The following FSTL5 variants were observed in gnomAD, a reference collection of about 807,000 sequenced individuals.
FSTL5 encodes follistatin-related protein 5.
Under a neutral mutation model 89.1 loss-of-function variants are expected in FSTL5, and 62 were observed. The observed-to-expected ratio is 0.70, with a 90% CI of 0.57 to 0.86. FSTL5 has a LOEUF of 0.86. Among genes scored for constraint, FSTL5 ranks in the 40% least tolerant of loss-of-function variants. The pLI, the probability that FSTL5 is intolerant of heterozygous loss-of-function variation, is 0.00. For missense variants in FSTL5, 1,057 were observed against 1,001.6 expected, an observed-to-expected ratio of 1.06 and a Z score of -0.75; for synonymous variants, 383 against 346.2, an observed-to-expected ratio of 1.11 and a Z score of -1.18.
chr4:162,023,482 T>C (rs1313100886), intron 3 of FSTL5, among the ~76,000 whole-genome samples: 1 of 152,160 alleles, frequency 6.6e-6, no homozygotes, highest in African/African-American at 2.4e-5. Context: ...ACTGTCTGCA[T>C]CAGTCTTGCA....
At chr4:161,698,924 T>C (rs1738280587) in intron 6 of FSTL5, among the ~76,000 whole-genome samples, 1 of 152,060 alleles carries the variant, frequency 6.6e-6, no homozygotes, top group African/African-American at 2.4e-5. Flanking sequence ...CACTCCAGCC[T>C]GGGTGACAGA....
At chr4:161,712,144 A>C (rs983589397) in intron 6 of FSTL5, among the ~76,000 whole-genome samples, 2 of 152,186 alleles carry the variant, frequency 1.3e-5, no homozygotes, top group African/African-American at 4.8e-5. Context: ...CTGTCAATGC[A>C]TAAGGCATTT....
intron 3 of FSTL5, among the ~76,000 whole-genome samples, chr4:161,958,539 A>G (rs960726546): frequency 6.6e-6 from 1 of 152,072 alleles, no homozygotes; most frequent in Non-Finnish European, 1.5e-5. Context: ...AGTTTTATTG[A>G]TGGGAACAAG....
intron 6 of FSTL5, among the ~76,000 whole-genome samples, chr4:161,707,875 A>T (rs533673533): frequency 6.6e-6 from 1 of 152,086 alleles, no homozygotes; most frequent in South Asian, 2.1e-4. Context: ...GATAATATTA[A>T]AACAGACAAA....
intron 2 of FSTL5, among the ~76,000 whole-genome samples, chr4:162,098,450 G>A (rs562806563): frequency 2.6e-5 from 4 of 152,032 alleles, no homozygotes; most frequent in South Asian, 2.1e-4. Flanking sequence ...CAGAGAATAC[G>A]CATGTAACAT....
intron 2 of FSTL5, among the ~76,000 whole-genome samples, chr4:162,042,745 T>A (rs1738014198): frequency 5.9e-5 from 9 of 152,012 alleles, no homozygotes; most frequent in Admixed American, 5.9e-4. Context: ...TGAAAAATAC[T>A]ATGGAAAAGA....
chr4:161,826,427 T>G (rs564641178), intron 4 of FSTL5, among the ~76,000 whole-genome samples: 136 of 152,280 alleles, frequency 8.9e-4, no homozygotes, highest in Non-Finnish European at 1.4e-3. Flanking sequence ...CATTGTTTTT[T>G]TTGTTGTTGT....
intron 10 of FSTL5, among the ~76,000 whole-genome samples, chr4:161,526,846 G>A (rs1236902581): frequency 6.6e-6 from 1 of 152,164 alleles, no homozygotes; most frequent in Non-Finnish European, 1.5e-5. Context: ...TTTGGTTACT[G>A]TAGCCTTGTA....
At chr4:162,031,016 T>C (rs1737500264) in intron 3 of FSTL5, among the ~76,000 whole-genome samples, 4 of 152,194 alleles carry the variant, frequency 2.6e-5, no homozygotes. Flanking sequence ...ATGTTTTATC[T>C]GTTGTGTTAC....
chr4:161,417,543 T>C (rs1164491083), intron 15 of FSTL5, among the ~76,000 whole-genome samples: 1 of 152,230 alleles, frequency 6.6e-6, no homozygotes, highest in Non-Finnish European at 1.5e-5. Flanking sequence ...AAATAGGTAT[T>C]GTATGTGAAA....
At chr4:161,595,253 A>G (rs1733970969) in intron 7 of FSTL5, among the ~76,000 whole-genome samples, 1 of 152,030 alleles carries the variant, frequency 6.6e-6, no homozygotes, top group Non-Finnish European at 1.5e-5. Flanking sequence ...CAAATGTATG[A>G]TGTTGAGGCT....
At chr4:162,058,512 C>T (rs1310164612) in intron 2 of FSTL5, among the ~76,000 whole-genome samples, 5 of 91,732 alleles carry the variant, frequency 5.5e-5, no homozygotes, top group East Asian at 3.0e-4. Flanking sequence ...CTGCAACCTC[C>T]GCCTCCCAGG....
Position 161,650,034 on chromosome 4 carries a change from G to T in FSTL5, c.894+6294C>A, listed in dbSNP as rs557561837. ...TTATGGAGCAAAAATAATGAAAGCTGTATATAGTATGTTTTATAAAATAGT... is the reference window on the plus strand; with the variant it reads ...TTATGGAGCAAAAATAATGAAAGCTTTATATAGTATGTTTTATAAAATAGT... On this transcript the variant is annotated intron_variant, in intron 7 of 15. Coordinates refer to ENST00000306100, the MANE Select transcript of FSTL5 (RefSeq NM_020116.5). 3.9e-5 allele frequency among the ~76,000 whole-genome samples: 6 copies of T among 152,250 alleles called. No homozygotes were observed. In the South Asian group the frequency reaches 1.2e-3, roughly 32 times the overall value.
chr4:162,130,782 T>C (rs912562539), intron 1 of FSTL5, among the ~76,000 whole-genome samples: 6 of 152,142 alleles, frequency 3.9e-5, no homozygotes, highest in Non-Finnish European at 5.9e-5. Flanking sequence ...GATGAACACA[T>C]TGACAAAAGA....
chr4:161,403,957 T>G (rs1325693360), intron 15 of FSTL5, among the ~76,000 whole-genome samples: 2 of 152,198 alleles, frequency 1.3e-5, no homozygotes, highest in Non-Finnish European at 2.9e-5. Flanking sequence ...CTGTGGCATT[T>G]CAATTTCGCC....
chr4:161,623,456 C>T (rs1022191494), intron 7 of FSTL5, among the ~76,000 whole-genome samples: 1 of 151,658 alleles, frequency 6.6e-6, no homozygotes, highest in Non-Finnish European at 1.5e-5. Context: ...TATTTGTACT[C>T]AAATATTTTA....
intron 1 of FSTL5, among the ~76,000 whole-genome samples, chr4:162,130,044 T>A (rs1732236219): frequency 6.6e-6 from 1 of 152,142 alleles, no homozygotes. Context: ...TCCACATAGA[T>A]ATTGAGCATT....
chr4:161,776,077 G>A lies in FSTL5; in HGVS notation c.410-3C>T. 2 of 1,410,678 alleles carry A rather than the reference G, an allele frequency of 1.4e-6. No individual in the cohort carries two copies. Among genetic ancestry groups the A allele is most frequent in the Non-Finnish European group, 1.9e-6 (2 of 1,050,668 alleles). The allele number at this position is 1,410,678 out of a possible 1,614,324, so 87.4% of individuals were successfully genotyped here. On this transcript the variant is annotated splice_polypyrimidine_tract_variant and splice_region_variant and intron_variant, in intron 4 of 15. Coordinates refer to ENST00000306100, the MANE Select transcript of FSTL5 (RefSeq NM_020116.5). The stretch of plus-strand genomic sequence containing the variant: ...TTCAGTAGTCTTGCACTTATCTCCT[G>A]TAACAAAAGAACTAGTTATTTTCAA...
At chr4:161,862,038 TGGG>T (rs1731933808) in intron 4 of FSTL5, among the ~76,000 whole-genome samples, 1 of 152,180 alleles carries the variant, frequency 6.6e-6, no homozygotes, top group Admixed American at 6.5e-5. Flanking sequence ...TAACCCTCAA[TGGG>T]AATGAATTCT....
Sources: allele counts gnomAD v4.1 joint callset (sites outside exome capture counted in the v4.1 genomes callset), GRCh38; gene constraint gnomAD v4.1.1; transcripts MANE v1.5; gene names NCBI Gene and HGNC (gene_info 2026-07-23, HGNC 2026-07-21).